EYS: variants seen among roughly 807,000 people sequenced by gnomAD.
The protein encoded by EYS is EGF-like photoreceptor maintenance factor.
Under a neutral mutation model 282.1 loss-of-function variants are expected in EYS, and 250 were observed. The ratio of observed to expected loss-of-function variants is 0.89; its 90% CI spans 0.80 to 0.98. EYS has a LOEUF of 0.98. Among genes scored for constraint, EYS ranks in the 50% least tolerant of loss-of-function variants. The pLI is 0.00. For synonymous variants in EYS, 1,355 were observed against 1,282.9 expected, an observed-to-expected ratio of 1.06 and a Z score of -1.20; for missense variants, 4,016 against 3,709.0, an observed-to-expected ratio of 1.08 and a Z score of -2.15.
chr6:63,883,448 C>G (rs1773184560), intron 35 of EYS, among the ~76,000 whole-genome samples: 1 of 152,250 alleles, frequency 6.6e-6, no homozygotes, highest in Non-Finnish European at 1.5e-5. Flanking sequence ...GGAGCAGAGT[C>G]AATGCCCCAC....
chr6:64,858,850 G>T (rs1766150082), intron 19 of EYS, among the ~76,000 whole-genome samples: 1 of 152,036 alleles, frequency 6.6e-6, no homozygotes, highest in African/African-American at 2.4e-5. Flanking sequence ...CACAGTTAAG[G>T]TCAAATATAA....
chr6:65,598,145 C>A (rs752331472), intron 2 of EYS, among the ~76,000 whole-genome samples: 1 of 148,042 alleles, frequency 6.8e-6, no homozygotes, highest in East Asian at 2.0e-4. Context: ...CAAACAAACT[C>A]TATTTTTAAG....
At position 64,662,700 on chromosome 6, in the gene EYS, T is replaced by C. The variant is rs559856051; in HGVS notation, c.3444-36455A>G. Among the ~76,000 whole-genome samples, 54 of 152,322 alleles carry C rather than the reference T, an allele frequency of 3.5e-4. 1 individual carries two copies. The South Asian group carries it at 0.011, about 30-fold the overall frequency. ...TAGATTTTTTTTGTTTAGACTATGT[T>C]TTAGGTTCCAGGTTTTGTATAACAT... is the stretch of plus-strand genomic sequence containing the variant. On this transcript the variant is annotated intron_variant, in intron 22 of 42. Coordinates refer to ENST00000503581, the MANE Select transcript of EYS (RefSeq NM_001142800.2).
At chr6:63,835,315 T>C (rs1473017495) in intron 36 of EYS, among the ~76,000 whole-genome samples, 1 of 151,138 alleles carries the variant, frequency 6.6e-6, no homozygotes, top group Non-Finnish European at 1.5e-5. Context: ...ATATACTCTA[T>C]ATATACATAT....
At chr6:64,060,603 T>C (rs2149850973) in intron 33 of EYS, among the ~76,000 whole-genome samples, 2 of 152,312 alleles carry the variant, frequency 1.3e-5, no homozygotes, top group African/African-American at 4.8e-5. Context: ...AATTTCTTTC[T>C]TAAACAACTG....
At chr6:64,209,623 G>C (rs1352029420) in intron 31 of EYS, among the ~76,000 whole-genome samples, 6 of 152,032 alleles carry the variant, frequency 3.9e-5, no homozygotes, top group Non-Finnish European at 8.8e-5. Context: ...TAACTTTTCA[G>C]GATCTCACTT....
At chr6:64,670,772 T>C (rs1374026174) in intron 22 of EYS, among the ~76,000 whole-genome samples, 3 of 152,200 alleles carry the variant, frequency 2.0e-5, no homozygotes, top group Non-Finnish European at 4.4e-5. Context: ...TGCTGTACTT[T>C]TGTTCCCAGG....
intron 1 of EYS, among the ~76,000 whole-genome samples, chr6:65,694,052 G>A (rs975043006): frequency 4.7e-5 from 7 of 150,408 alleles, no homozygotes; most frequent in African/African-American, 1.5e-4. Context: ...TGAAACTTTT[G>A]TTCTATAACT....
At chr6:64,965,662 T>C (rs878996331) in intron 14 of EYS, among the ~76,000 whole-genome samples, 2 of 152,124 alleles carry the variant, frequency 1.3e-5, no homozygotes, top group Non-Finnish European at 2.9e-5. Flanking sequence ...TTTCATTTAT[T>C]TTATAGAGGT....
chr6:64,855,873 T>A (rs1027380349), intron 19 of EYS, among the ~76,000 whole-genome samples: 14 of 152,222 alleles, frequency 9.2e-5, no homozygotes, highest in African/African-American at 2.9e-4. Context: ...CATTATGTAC[T>A]CTTTCCAGAT....
At chr6:65,470,264 T>C (rs1765159915) in intron 5 of EYS, among the ~76,000 whole-genome samples, 1 of 152,166 alleles carries the variant, frequency 6.6e-6, no homozygotes, top group Middle Eastern at 3.2e-3. Flanking sequence ...CTGAGCTTTC[T>C]TTTCTCTAAT....
Position 63,726,502 on chromosome 6 carries a change from C to G in EYS, c.8233+17G>C, listed in dbSNP as rs1301705188. On this transcript the variant is annotated intron_variant, in intron 42 of 42. Transcript: ENST00000503581. The stretch of plus-strand genomic sequence containing the variant: ...ATTAGGAATTCATTCTGCAAACAAA[C>G]AGCCTGCCAATCTTACCTGATTGGG... 14 of 1,542,424 alleles carry G rather than the reference C, an allele frequency of 9.1e-6. No individual in the cohort carries two copies. The highest frequency in any genetic ancestry group is 1.1e-5 in the Non-Finnish European group (12 of 1,142,766).
chr6:65,155,554 C>T (rs1465822544), intron 12 of EYS, among the ~76,000 whole-genome samples: 5 of 151,452 alleles, frequency 3.3e-5, no homozygotes, highest in Middle Eastern at 3.2e-3. Context: ...TGTATAGATT[C>T]ATTTTATGAC....
At chr6:65,655,018 T>C (rs1409060079) in intron 1 of EYS, among the ~76,000 whole-genome samples, 2 of 150,754 alleles carry the variant, frequency 1.3e-5, no homozygotes, top group Admixed American at 1.3e-4. Context: ...TCCAAGATTT[T>C]AGAGCAGGAA....
intron 22 of EYS, among the ~76,000 whole-genome samples, chr6:64,633,638 A>G (rs1767870145): frequency 6.6e-6 from 1 of 151,928 alleles, no homozygotes; most frequent in African/African-American, 2.4e-5. Flanking sequence ...AAAAAAAAAA[A>G]AAAAAATGGA....
At chr6:65,172,909 C>T (rs1489996992) in intron 12 of EYS, among the ~76,000 whole-genome samples, 1 of 150,382 alleles carries the variant, frequency 6.6e-6, no homozygotes, top group Non-Finnish European at 1.5e-5. Context: ...ATGAAGGAAC[C>T]CAGTGTGGTC....
chr6:64,625,064 T>A (rs1193478251), intron 23 of EYS, among the ~76,000 whole-genome samples: 2 of 152,092 alleles, frequency 1.3e-5, no homozygotes, highest in Admixed American at 1.3e-4. Flanking sequence ...ACCAGAAATA[T>A]CCCCTACATA....
chr6:64,366,284 C>T lies in EYS; in HGVS notation c.6078+22406G>A, dbSNP rs895005481. On this transcript the variant is annotated intron_variant, in intron 29 of 42. Coordinates refer to ENST00000503581, the MANE Select transcript of EYS (RefSeq NM_001142800.2). ...AATTAAGAAGGCCTGGCAGTGTCTG[C>T]TTTTGTGCTCCAAAAAGGGAGCTAC... 1.3e-5 allele frequency among the ~76,000 whole-genome samples: 2 copies of T among 151,902 alleles called. 1 individual carries two copies. The highest frequency in any genetic ancestry group is 4.2e-4 in the South Asian group (2 of 4,816).
At chr6:64,727,048 T>C (rs1771780366) in intron 22 of EYS, among the ~76,000 whole-genome samples, 1 of 152,292 alleles carries the variant, frequency 6.6e-6, no homozygotes, top group South Asian at 2.1e-4. Context: ...CATACTGATG[T>C]TACTGAAATT....
Sources: gnomAD v4.1 joint callset for allele counts (sites outside exome capture counted in the v4.1 genomes callset) on GRCh38, gnomAD v4.1.1 for gene constraint, MANE v1.5 for transcripts, NCBI Gene and HGNC (gene_info 2026-07-23, HGNC 2026-07-21) for gene names.